Variants in AVPR1B observed in about 807,000 individuals in gnomAD.
AVPR1B encodes the protein arginine vasopressin receptor 1B.
AVPR1B carries 25 observed loss-of-function variants against 27.5 expected under a neutral mutation model. The observed-to-expected ratio is 0.91, with a 90% CI of 0.66 to 1.27. The LOEUF is 1.27. AVPR1B is among the 50% of genes most tolerant of loss of function. The probability of loss-of-function intolerance (pLI) is 0.00; values close to 1 mark genes in which losing one functional copy is unlikely to be tolerated. For missense variants in AVPR1B, 595 were observed against 556.9 expected, an observed-to-expected ratio of 1.07 and a Z score of -0.69; for synonymous variants, 248 against 240.2, an observed-to-expected ratio of 1.03 and a Z score of -0.30.
In AVPR1B at chr1:206,107,276, G is replaced by A. The variant is rs36076443; in HGVS notation, c.*2913C>T. 5.3e-3 allele frequency among the ~76,000 whole-genome samples: 813 copies of A among 152,246 alleles called. 22 individuals carry two copies. Among genetic ancestry groups the A allele is most frequent in the Admixed American group, 0.037 (562 of 15,300 alleles). On this transcript the variant is annotated 3_prime_UTR_variant, in exon 2 of 2. Transcript: ENST00000367126. ...TTTACACAAGTGCCCAGCCAGAGAC[G>A]GCATTGTTCAGTTTCTCCTGGGGTT...
chr1:206,116,832 G>C lies in AVPR1B; in HGVS notation c.59C>G (p.Pro20Arg). The change falls in exon 1 of 2, where the codon CCC becomes CGC. Residue 20 changes from proline to arginine, a missense_variant. Physicochemically the swap from Pro to Arg is moderately radical, Grantham distance 103 (BLOSUM62 -2). Coordinates refer to ENST00000367126, the MANE Select transcript of AVPR1B (RefSeq NM_000707.5). Reference protein sequence around the residue: ...NPTPRGTLSAPNATTPWLGRD... With the variant: ...NPTPRGTLSARNATTPWLGRD... ...GCCCAGCCAGGGTGTTGTGGCATTG[G>C]GGGCAGAGAGGGTGCCCCGAGGGGT... The C allele has an allele frequency of 6.2e-7, 1 of 1,614,012 alleles. No individual in the cohort carries two copies. The highest frequency in any genetic ancestry group is 1.3e-5 in the African/African-American group (1 of 75,038).
At chr1:206,112,752 G>A (rs1470422445) in intron 1 of AVPR1B, among the ~76,000 whole-genome samples, 4 of 152,138 alleles carry the variant, frequency 2.6e-5, no homozygotes, top group Non-Finnish European at 5.9e-5. Context: ...GCCTCGCAAA[G>A]TGCTGGGATT....
chr1:206,114,454 C>A (rs1663428906), intron 1 of AVPR1B, among the ~76,000 whole-genome samples: 1 of 152,162 alleles, frequency 6.6e-6, no homozygotes, highest in South Asian at 2.1e-4. Flanking sequence ...GGAGCAGGAG[C>A]AGCTGTTCTG....
chr1:206,116,328 G>A lies in AVPR1B; in HGVS notation c.563C>T (p.Ala188Val), dbSNP rs201027590. 1 of 1,613,534 alleles carries A rather than the reference G, an allele frequency of 6.2e-7. No homozygotes were observed. Among genetic ancestry groups the A allele is most frequent in the East Asian group, 2.2e-5 (1 of 44,878 alleles). The change falls in exon 1 of 2, where the codon GCA (alanine) becomes GTA (valine). Residue 188 changes from alanine (A) to valine (V), a missense_variant. Ala to Val is a moderately conservative substitution (Grantham distance 64). Transcript: ENST00000367126. Reference sequence around the variant, plus strand: ...TGGCCCCCAAGGGAAGCCGAAGTCTGCCCAGCAGTCCAGCACCCCTGAGCC... The same window carrying A: ...TGGCCCCCAAGGGAAGCCGAAGTCTACCCAGCAGTCCAGCACCCCTGAGCC... Reference protein sequence around the residue: ...IQGSGVLDCWADFGFPWGPRA... With the variant: ...IQGSGVLDCWVDFGFPWGPRA...
At chr1:206,115,662 C>A (rs562551905) in intron 1 of AVPR1B, among the ~76,000 whole-genome samples, 1 of 152,276 alleles carries the variant, frequency 6.6e-6, no homozygotes, top group South Asian at 2.1e-4. Context: ...TAGTTGGTGG[C>A]CAAATGTGCT....
At position 206,116,190 on chromosome 1, in the gene AVPR1B, GT is replaced by G. The variant is rs781962854; in HGVS notation, c.700del (p.Thr234HisfsTer22). 21 of 1,613,776 alleles carry G rather than the reference GT, an allele frequency of 1.3e-5. No individual in the cohort carries two copies. The highest frequency in any genetic ancestry group is 1.7e-5 in the Non-Finnish European group (20 of 1,179,986). On this transcript the variant is annotated frameshift_variant, in exon 1 of 2. Coordinates refer to ENST00000367126, the MANE Select transcript of AVPR1B (RefSeq NM_000707.5). LOFTEE classifies it high-confidence loss of function. ...HEICKNLKVKTQAWRVGGGGW... is the reference protein window; with the variant it reads ...HEICKNLKVKXQAWRVGGGGW... ...CCCTCCTCCCACCCGCCAGGCCTGT[GT>G]CTTGACTTTTAGGTTTTTACAGATC...
intron 1 of AVPR1B, among the ~76,000 whole-genome samples, chr1:206,111,705 C>T (rs1490748178): frequency 5.3e-5 from 8 of 152,310 alleles, no homozygotes; most frequent in Middle Eastern, 3.4e-3. Flanking sequence ...TCTTTGTGCA[C>T]GTGTCCCAGG....
intron 1 of AVPR1B, among the ~76,000 whole-genome samples, chr1:206,112,778 C>T (rs1457245260): frequency 6.6e-6 from 1 of 152,168 alleles, no homozygotes; most frequent in Admixed American, 6.5e-5. Context: ...CATGAGCCAC[C>T]ACACCCAGCC....
In AVPR1B at chr1:206,110,322, G is replaced by A. The variant is rs961502094; in HGVS notation, c.1142C>T (p.Thr381Ile). The change falls in exon 2 of 2, where the codon ACC becomes ATC. Residue 381 changes from threonine to isoleucine, a missense_variant. Coordinates refer to ENST00000367126, the MANE Select transcript of AVPR1B (RefSeq NM_000707.5). ...SLSSRHTTLL[T>I]RSSCPATLSL... The stretch of plus-strand genomic sequence containing the variant: ...GAGGGTGGCCGGGCAGCTGGAGCGG[G>A]TCAGCAGCGTGGTGTGGCGGCTCGA... The A allele has an allele frequency of 1.2e-6, 2 of 1,613,204 alleles. No homozygotes were observed. The highest frequency in any genetic ancestry group is 2.7e-5 in the African/African-American group (2 of 74,930).
At chr1:206,111,706 G>A (rs782812981) in intron 1 of AVPR1B, among the ~76,000 whole-genome samples, 2 of 152,224 alleles carry the variant, frequency 1.3e-5, no homozygotes, top group Admixed American at 6.5e-5. Context: ...CTTTGTGCAC[G>A]TGTCCCAGGG....
rs1553289698 is a variant in AVPR1B, at chr1:206,110,517, G to A, written c.947C>T (p.Thr316Ile). The A allele has an allele frequency of 1.2e-6, 2 of 1,606,082 alleles. No individual in the cohort carries two copies. The highest frequency in any genetic ancestry group is 1.7e-5 in the Admixed American group (1 of 59,600). ...CATAGAGATGGTGAAAGCCACATTG[G>A]TGGAATCTACCAAGAGAGAAGCATG... ...WDKNAPDEDSTNVAFTISMLL... is the reference protein window; with the variant it reads ...WDKNAPDEDSINVAFTISMLL... The change falls in exon 2 of 2, where the codon ACC (threonine) becomes ATC (isoleucine). Residue 316 changes from threonine (T) to isoleucine (I), a missense_variant. Thr to Ile is a moderately conservative substitution (Grantham distance 89). Coordinates refer to ENST00000367126, the MANE Select transcript of AVPR1B (RefSeq NM_000707.5).
rs1553289311 is a variant in AVPR1B, at chr1:206,108,920, T to C, written c.*1269A>G. 6.6e-6 allele frequency among the ~76,000 whole-genome samples: 1 copy of C among 152,266 alleles called. No individual in the cohort carries two copies. The highest frequency in any genetic ancestry group is 2.4e-5 in the African/African-American group (1 of 41,480). The stretch of plus-strand genomic sequence containing the variant: ...CCCAGATGAGGACAAAAGTGGACAG[T>C]ATGGCCATGGTGGGACCCACCGTCA... On this transcript the variant is annotated 3_prime_UTR_variant, in exon 2 of 2. Transcript: ENST00000367126.
chr1:206,113,146 G>A (rs1345709464), intron 1 of AVPR1B, among the ~76,000 whole-genome samples: 2 of 152,210 alleles, frequency 1.3e-5, no homozygotes, highest in Non-Finnish European at 2.9e-5. Flanking sequence ...ACGTGAGCCA[G>A]GCCTTGGTAG....
At chr1:206,115,067 T>G (rs28494801) in intron 1 of AVPR1B, among the ~76,000 whole-genome samples, 1 of 152,110 alleles carries the variant, frequency 6.6e-6, no homozygotes, top group Non-Finnish European at 1.5e-5. Context: ...AATGACCCCA[T>G]ATGAGAATCA....
intron 1 of AVPR1B, among the ~76,000 whole-genome samples, chr1:206,112,019 C>T (rs1663389748): frequency 6.6e-6 from 1 of 152,128 alleles, no homozygotes; most frequent in Non-Finnish European, 1.5e-5. Flanking sequence ...CATGGTGAAA[C>T]CCTGTCTCTA....
At chr1:206,110,810 T>C (rs782759639) in intron 1 of AVPR1B, among the ~76,000 whole-genome samples, 11 of 152,172 alleles carry the variant, frequency 7.2e-5, no homozygotes, top group Non-Finnish European at 1.2e-4. Flanking sequence ...GAAGAAGGAA[T>C]GTTGTCAGGG....
chr1:206,110,378 C>A lies in AVPR1B; in HGVS notation c.1086G>T (p.Arg362Ser). ...TGCCGTCGGAGAGCCGCCGGCGCAT[C>A]CTGGGCTGGGGACCCCCACAGCAGG... ...HLACCGGPQP[R>S]MRRRLSDGSL... The change falls in exon 2 of 2, where the codon AGG becomes AGT. Residue 362 changes from arginine to serine, a missense_variant. Transcript: ENST00000367126. 1 of 1,611,580 alleles carries A rather than the reference C, an allele frequency of 6.2e-7. No homozygotes were observed. Among genetic ancestry groups the A allele is most frequent in the Middle Eastern group, 1.7e-4 (1 of 6,048 alleles).
rs1344283548 is a variant in AVPR1B at position 206,107,732 on chromosome 1, G to T, written c.*2457C>A. Reference sequence around the variant, plus strand: ...ACAAGAAAGTGCTTTAGTCAGCCTTGATCCCAGGTCTGTCTCCTCTTTTCC... The same window carrying T: ...ACAAGAAAGTGCTTTAGTCAGCCTTTATCCCAGGTCTGTCTCCTCTTTTCC... On this transcript the variant is annotated 3_prime_UTR_variant, in exon 2 of 2. Transcript: ENST00000367126. 6.6e-6 allele frequency among the ~76,000 whole-genome samples: 1 copy of T among 152,218 alleles called. No individual in the cohort carries two copies. Among genetic ancestry groups the T allele is most frequent in the Non-Finnish European group, 1.5e-5 (1 of 68,044 alleles).
At chr1:206,115,126 A>C (rs1663442178) in intron 1 of AVPR1B, among the ~76,000 whole-genome samples, 1 of 152,222 alleles carries the variant, frequency 6.6e-6, no homozygotes, top group Admixed American at 6.5e-5. Flanking sequence ...ATGCACTTAA[A>C]ATTATGAGAT....
Sources: gnomAD v4.1 joint callset for allele counts (sites outside exome capture counted in the v4.1 genomes callset) on GRCh38, gnomAD v4.1.1 for gene constraint, MANE v1.5 for transcripts, NCBI Gene and HGNC (gene_info 2026-07-23, HGNC 2026-07-21) for gene names.